The following SPAG16 variants were observed in gnomAD, a reference collection of about 807,000 sequenced individuals.
SPAG16 encodes the protein sperm associated antigen 16, also known as sperm-associated antigen 16 protein.
Under a neutral mutation model 80.4 loss-of-function variants are expected in SPAG16, and 86 were observed. That is an observed-to-expected ratio of 1.07 (90% confidence interval 0.90 to 1.28). The LOEUF is 1.28. Among genes scored for constraint, SPAG16 ranks in the 50% most tolerant of loss-of-function variants. SPAG16 has a pLI of 0.00. For synonymous variants in SPAG16, 294 were observed against 265.9 expected (o/e 1.11, Z -1.03); for missense variants, 870 against 765.3 (o/e 1.14, Z -1.61).
intron 15 of SPAG16, among the ~76,000 whole-genome samples, chr2:214,247,964 G>A (rs996163549): frequency 6.6e-6 from 1 of 151,934 alleles, no homozygotes; most frequent in African/African-American, 2.4e-5. Context: ...GGAGGTTGAC[G>A]CTGCAGTGTG....
At chr2:213,647,639 G>C (rs1261699374) in intron 10 of SPAG16, among the ~76,000 whole-genome samples, 1 of 152,150 alleles carries the variant, frequency 6.6e-6, no homozygotes, top group South Asian at 2.1e-4. Context: ...CAGTCATGCA[G>C]AGAAACTTGA....
At chr2:213,305,043 G>T (rs776069138) in intron 3 of SPAG16, among the ~76,000 whole-genome samples, 4 of 151,732 alleles carry the variant, frequency 2.6e-5, no homozygotes, top group African/African-American at 9.7e-5. Context: ...TTTCTTTTTC[G>T]ATTTCTTTCA....
intron 10 of SPAG16, among the ~76,000 whole-genome samples, chr2:213,504,716 T>C (rs970438001): frequency 1.3e-5 from 2 of 152,260 alleles, no homozygotes; most frequent in Admixed American, 1.3e-4. Context: ...GTATGTTCTA[T>C]GAAGATGTAA....
At chr2:213,387,061 G>C (rs2067465791) in intron 9 of SPAG16, among the ~76,000 whole-genome samples, 1 of 152,072 alleles carries the variant, frequency 6.6e-6, no homozygotes, top group African/African-American at 2.4e-5. Flanking sequence ...GAATGGAAGA[G>C]TGCCATACAG....
At chr2:213,642,440 A>G in intron 10 of SPAG16, among the ~76,000 whole-genome samples, 1 of 152,034 alleles carries the variant, frequency 6.6e-6, no homozygotes, top group Non-Finnish European at 1.5e-5. Flanking sequence ...GCTTGATTGC[A>G]TTGAAGGATA....
intron 10 of SPAG16, among the ~76,000 whole-genome samples, chr2:213,561,051 A>T (rs2059586573): frequency 6.6e-6 from 1 of 152,074 alleles, no homozygotes; most frequent in South Asian, 2.1e-4. Context: ...TTTGGTAGAG[A>T]TGAGGTTTCA....
At chr2:214,303,250 A>T (rs1272713894) in intron 15 of SPAG16, among the ~76,000 whole-genome samples, 1 of 152,118 alleles carries the variant, frequency 6.6e-6, no homozygotes, top group Non-Finnish European at 1.5e-5. Flanking sequence ...TGTTTTTATG[A>T]TGGCAAGGAT....
Position 214,173,431 on chromosome 2 carries a change from G to A in SPAG16, c.1720+24165G>A, listed in dbSNP as rs2056954103. On this transcript the variant is annotated intron_variant, in intron 15 of 15. Coordinates refer to ENST00000331683, the MANE Select transcript of SPAG16 (RefSeq NM_024532.5). Reference sequence around the variant, plus strand: ...GTAGATATGCGGCGTTATTTCTGAGGGCTCTGTTCTGTTCCATTGATCTAT... The same window carrying A: ...GTAGATATGCGGCGTTATTTCTGAGAGCTCTGTTCTGTTCCATTGATCTAT... 2.0e-5 allele frequency among the ~76,000 whole-genome samples: 3 copies of A among 151,864 alleles called. No individual in the cohort carries two copies. The South Asian group carries it at 6.2e-4, about 32-fold the overall frequency.
intron 10 of SPAG16, among the ~76,000 whole-genome samples, chr2:213,687,929 CA>C (rs749641205): frequency 2.0e-5 from 3 of 152,080 alleles, no homozygotes; most frequent in Non-Finnish European, 4.4e-5. Context: ...TATTCTGAGC[CA>C]AATATAAGTA....
At chr2:214,193,423 G>A (rs138039382) in intron 15 of SPAG16, among the ~76,000 whole-genome samples, 1 of 68,590 alleles carries the variant, frequency 1.5e-5, no homozygotes, top group African/African-American at 6.0e-5. Context: ...GTGTGTGTGT[G>A]TATGAGAGAG....
At chr2:214,124,688 G>T (rs1250396303) in intron 14 of SPAG16, among the ~76,000 whole-genome samples, 7 of 151,794 alleles carry the variant, frequency 4.6e-5, no homozygotes. Context: ...ATGTGACCCT[G>T]TGAGTCCATA....
intron 9 of SPAG16, among the ~76,000 whole-genome samples, chr2:213,424,212 G>A (rs1025556075): frequency 6.6e-6 from 1 of 152,160 alleles, no homozygotes; most frequent in African/African-American, 2.4e-5. Flanking sequence ...ATGTTAGGCA[G>A]ATATATGAGG....
chr2:213,672,192 CCTTTT>C (rs1165664298), intron 10 of SPAG16, among the ~76,000 whole-genome samples: 2 of 149,484 alleles, frequency 1.3e-5, no homozygotes, highest in African/African-American at 4.9e-5. Context: ...TTTTTCATTT[CCTTTT>C]CTGTCTTTCC....
At chr2:213,436,924 TTC>T (rs1480141710) in intron 9 of SPAG16, among the ~76,000 whole-genome samples, 1 of 152,082 alleles carries the variant, frequency 6.6e-6, no homozygotes, top group Non-Finnish European at 1.5e-5. Context: ...TTTTTTTTTT[TTC>T]TTTGAGATGG....
At chr2:213,632,138 T>C (rs1412674092) in intron 10 of SPAG16, among the ~76,000 whole-genome samples, 1 of 152,164 alleles carries the variant, frequency 6.6e-6, no homozygotes, top group African/African-American at 2.4e-5. Flanking sequence ...CTATTTTTTG[T>C]TGTCCTTTTC....
intron 15 of SPAG16, among the ~76,000 whole-genome samples, chr2:214,202,880 C>G (rs2058046911): frequency 6.6e-6 from 1 of 152,192 alleles, no homozygotes; most frequent in Non-Finnish European, 1.5e-5. Context: ...GAAAGCATCA[C>G]AGATGTTTTC....
chr2:213,729,294 CTG>C (rs2066924618), intron 10 of SPAG16, among the ~76,000 whole-genome samples: 1 of 152,096 alleles, frequency 6.6e-6, no homozygotes, highest in African/African-American at 2.4e-5. Context: ...CACGTACTTC[CTG>C]TGTGACTCTG....
At chr2:213,333,074 C>A (rs577704260) in intron 5 of SPAG16, among the ~76,000 whole-genome samples, 3 of 152,088 alleles carry the variant, frequency 2.0e-5, no homozygotes, top group African/African-American at 4.8e-5. Flanking sequence ...GTCAAATTAT[C>A]CTTGTTTGCA....
In SPAG16 at chr2:213,421,087, C is replaced by T. The variant is rs1321712694; in HGVS notation, c.942+45968C>T. Among the ~76,000 whole-genome samples, 6 of 152,120 alleles carry T rather than the reference C, an allele frequency of 3.9e-5. No homozygotes were observed. In the South Asian group the frequency reaches 6.2e-4, roughly 16 times the overall value. ...CCTACCAAGTGGTGGAGCAGGAGCC[C>T]CATGCTCTGGGCACAGCTGCAGCCA... On this transcript the variant is annotated intron_variant, in intron 9 of 15. Transcript: ENST00000331683.
Sources: allele counts gnomAD v4.1 joint callset (sites outside exome capture counted in the v4.1 genomes callset), GRCh38; gene constraint gnomAD v4.1.1; transcripts MANE v1.5; gene names NCBI Gene and HGNC (gene_info 2026-07-23, HGNC 2026-07-21).